Variants in FAM107A observed in about 807,000 individuals in gnomAD.
FAM107A encodes actin-associated protein FAM107A.
FAM107A carries 19 observed loss-of-function variants against 13.7 expected under a neutral mutation model. The observed-to-expected ratio is 1.38, with a 90% CI of 0.97 to 2.03. FAM107A has a LOEUF of 2.03. Ranked by LOEUF, FAM107A falls within the 30% of genes most tolerant of loss-of-function variation. FAM107A has a pLI of 0.00. For missense variants in FAM107A, 203 were observed against 184.4 expected (o/e 1.10, Z -0.58); for synonymous variants, 82 against 74.5 (o/e 1.10, Z -0.52).
chr3:58,597,336 C>T (rs905476033), intron 1 of FAM107A, among the ~76,000 whole-genome samples: 2 of 152,208 alleles, frequency 1.3e-5, no homozygotes, highest in Non-Finnish European at 2.9e-5. Flanking sequence ...TTTGGGGACA[C>T]ATTCAGGTCA....
At chr3:58,598,491 G>A (rs760188708) in intron 1 of FAM107A, among the ~76,000 whole-genome samples, 2 of 152,166 alleles carry the variant, frequency 1.3e-5, no homozygotes, top group Admixed American at 6.5e-5. Flanking sequence ...CCCTGGGTGG[G>A]AGCCACCCAC....
chr3:58,616,512 C>T (rs1575457593), intron 1 of FAM107A, among the ~76,000 whole-genome samples: 1 of 145,494 alleles, frequency 6.9e-6, no homozygotes, highest in Admixed American at 6.9e-5. Flanking sequence ...TGACTGGTGT[C>T]CTTATAAGAG....
At chr3:58,602,891 T>C (rs2065764346) in intron 1 of FAM107A, among the ~76,000 whole-genome samples, 1 of 152,010 alleles carries the variant, frequency 6.6e-6, no homozygotes, top group South Asian at 2.1e-4. Flanking sequence ...TGTTTGTGGG[T>C]GTAGATATGT....
In FAM107A at chr3:58,564,304, G is replaced by A. The variant is rs1343623681; in HGVS notation, c.*2284C>T. On this transcript the variant is annotated 3_prime_UTR_variant, in exon 4 of 4. Coordinates refer to ENST00000360997, the MANE Select transcript of FAM107A (RefSeq NM_001076778.3). The surrounding 1 kb of genome is among the most constrained non-coding windows in gnomAD (Gnocchi z 5.6). ...AATCAAGGTAGGAAGAAGAGGCCCA[G>A]GGAGGTGTTAGCCATGCCTGTGTCT... The A allele has an allele frequency of 6.6e-6, 1 of 152,252 alleles. No individual in the cohort carries two copies. The highest frequency in any genetic ancestry group is 2.4e-5 in the African/African-American group (1 of 41,464). The allele number at this position is 152,252 out of a possible 1,614,324, so 9.4% of individuals were successfully genotyped here. A position where few individuals can be genotyped will look rare whatever the true frequency, so the allele number is the denominator to read the frequency against.
chr3:58,597,310 C>A (rs1045710551), intron 1 of FAM107A, among the ~76,000 whole-genome samples: 1 of 152,214 alleles, frequency 6.6e-6, no homozygotes, highest in East Asian at 1.9e-4. Context: ...CTTTTGACAT[C>A]TTTACAACAT....
At position 58,565,723 on chromosome 3, in the gene FAM107A, T is replaced by A. The variant is rs892457622; in HGVS notation, c.*865A>T. 2 of 151,932 alleles carry A rather than the reference T, an allele frequency of 1.3e-5. No homozygotes were observed. The highest frequency in any genetic ancestry group is 2.9e-5 in the Non-Finnish European group (2 of 67,994). The allele number at this position is 151,932 out of a possible 1,614,324, so 9.4% of individuals were successfully genotyped here. A position where few individuals can be genotyped will look rare whatever the true frequency, so the allele number is the denominator to read the frequency against. On this transcript the variant is annotated 3_prime_UTR_variant, in exon 4 of 4. Coordinates refer to ENST00000360997, the MANE Select transcript of FAM107A (RefSeq NM_001076778.3). ...ATGGCTTCAGGGGTGATATTTCCAA[T>A]ATATATCAGCCCTGGGCACTCTCGC...
At chr3:58,603,789 TCA>T (rs1464801950) in intron 1 of FAM107A, among the ~76,000 whole-genome samples, 2 of 152,290 alleles carry the variant, frequency 1.3e-5, no homozygotes, top group East Asian at 3.9e-4. Context: ...CAATCAGCAC[TCA>T]CAGTAACAGG....
At chr3:58,610,539 T>A (rs1457897016) in intron 1 of FAM107A, among the ~76,000 whole-genome samples, 1 of 152,218 alleles carries the variant, frequency 6.6e-6, no homozygotes, top group East Asian at 1.9e-4. Context: ...GTCACCCTCT[T>A]AACTTCTCCA....
At chr3:58,616,490 C>T (rs2065901871) in intron 1 of FAM107A, among the ~76,000 whole-genome samples, 1 of 149,948 alleles carries the variant, frequency 6.7e-6, no homozygotes, top group South Asian at 2.1e-4. Flanking sequence ...TAGGGTAGGC[C>T]CTAATTGAAT....
intron 1 of FAM107A, among the ~76,000 whole-genome samples, chr3:58,574,570 T>C (rs2063714493): frequency 6.6e-6 from 1 of 152,182 alleles, no homozygotes; most frequent in Admixed American, 6.5e-5. Context: ...TGCTCCTCTG[T>C]AGAATTGTGA....
At chr3:58,625,730 C>T (rs1173903227) in intron 1 of FAM107A, among the ~76,000 whole-genome samples, 1 of 152,254 alleles carries the variant, frequency 6.6e-6, no homozygotes, top group South Asian at 2.1e-4. Context: ...GGCCATGCTT[C>T]CCAGCCTCTC....
intron 2 of FAM107A, among the ~76,000 whole-genome samples, chr3:58,568,893 C>T (rs1026028314): frequency 6.6e-6 from 1 of 152,156 alleles, no homozygotes; most frequent in African/African-American, 2.4e-5. Context: ...CCACCCCTGC[C>T]ACCTCCCAGA....
intron 1 of FAM107A, among the ~76,000 whole-genome samples, chr3:58,599,579 G>A (rs1206625435): frequency 6.6e-6 from 1 of 152,086 alleles, no homozygotes; most frequent in African/African-American, 2.4e-5. Context: ...GATGGGAAGG[G>A]GCAGGAGGGA....
rs79900146 is a variant in FAM107A, at chr3:58,625,135, A to G, written c.-70+2281T>C. ...AAAAATAAAACTTTAAACAAACCCC[A>G]CCCCTCCACTCTGGCAAGTGACTGA... On this transcript the variant is annotated intron_variant, in intron 1 of 3. Transcript: ENST00000465970. Among the ~76,000 whole-genome samples the G allele has an allele frequency of 2.5e-4, 38 of 151,960 alleles. No individual in the cohort carries two copies. The East Asian group carries it at 6.8e-3, about 27-fold the overall frequency.
intron 1 of FAM107A, among the ~76,000 whole-genome samples, chr3:58,597,193 C>A (rs529411983): frequency 1.3e-5 from 2 of 152,204 alleles, no homozygotes; most frequent in Admixed American, 1.3e-4. Context: ...AATGAGTGCT[C>A]ATTTCTGTTG....
chr3:58,572,805 AG>A (rs2063697273), intron 1 of FAM107A: 1 of 152,196 alleles, frequency 6.6e-6, no homozygotes, highest in Admixed American at 6.5e-5. Flanking sequence ...GTTGCCGGCC[AG>A]CCAGTGGGTT....
At chr3:58,601,447 A>T (rs2065751703) in intron 1 of FAM107A, among the ~76,000 whole-genome samples, 1 of 152,248 alleles carries the variant, frequency 6.6e-6, no homozygotes, top group South Asian at 2.1e-4. Context: ...CATCGAGGAC[A>T]TGTTTACACA....
chr3:58,610,490 G>A (rs1385358082), intron 1 of FAM107A, among the ~76,000 whole-genome samples: 2 of 152,196 alleles, frequency 1.3e-5, no homozygotes, highest in African/African-American at 4.8e-5. Context: ...TGTGGGCTCT[G>A]CCTTGGTATA....
upstream of FAM107A, among the ~76,000 whole-genome samples, chr3:58,580,802 C>T (rs916561796): frequency 3.3e-5 from 5 of 151,932 alleles, no homozygotes; most frequent in Non-Finnish European, 7.4e-5. Flanking sequence ...GGCCCTTCTC[C>T]TTTGTCACTG....
Sources: allele counts gnomAD v4.1 joint callset (sites outside exome capture counted in the v4.1 genomes callset), GRCh38; gene constraint gnomAD v4.1.1; non-coding constraint Gnocchi (gnomAD v3.1); transcripts MANE v1.5; gene names NCBI Gene and HGNC (gene_info 2026-07-23, HGNC 2026-07-21).